Variants in CDKN2B-AS1 observed in about 807,000 individuals in gnomAD.
CDKN2B-AS1 encodes the protein CDKN2B and CDKN2A antisense cis and trans regulatory RNA 1.
chr9:22,016,748 T>C (rs994284350), intron 1 of CDKN2B-AS1, among the ~76,000 whole-genome samples: 10 of 152,320 alleles, frequency 6.6e-5, no homozygotes, highest in African/African-American at 1.9e-4. Flanking sequence ...TAGCCATATG[T>C]AGAAAGCTGA....
intron 2 of CDKN2B-AS1, among the ~76,000 whole-genome samples, chr9:22,048,448 G>T (rs1823200702): frequency 6.6e-6 from 1 of 152,122 alleles, no homozygotes; most frequent in Non-Finnish European, 1.5e-5. Context: ...CATGGAAGAG[G>T]CTGTTCATGG....
Position 22,127,966 on chromosome 9 carries a change from A to G in CDKN2B-AS1, n.1302A>G, listed in dbSNP as rs10965239. Among the ~76,000 whole-genome samples, 1,563 of 152,280 alleles carry G rather than the reference A, an allele frequency of 0.01. 125 individuals carry two copies. The East Asian group carries it at 0.2, about 20-fold the overall frequency. On this transcript the variant is annotated non_coding_transcript_exon_variant, in exon 5 of 5. Transcript: ENST00000650946. ...AAAGGGTAAGGATGCTACAACTGGT[A>G]AGCCCTGTGAGAATTATTTAATCCT...
At chr9:22,105,915 G>C (rs1825642006) in intron 4 of CDKN2B-AS1, among the ~76,000 whole-genome samples, 1 of 152,092 alleles carries the variant, frequency 6.6e-6, no homozygotes, top group Admixed American at 6.6e-5. Context: ...CTTGTTTTTT[G>C]AGATGGAGTC....
At chr9:22,081,037 T>C (rs1433748570) in intron 4 of CDKN2B-AS1, among the ~76,000 whole-genome samples, 1 of 152,246 alleles carries the variant, frequency 6.6e-6, no homozygotes, top group Non-Finnish European at 1.5e-5. Context: ...TTGTTCATAC[T>C]GCAGTACATT....
intron 1 of CDKN2B-AS1, among the ~76,000 whole-genome samples, chr9:21,998,372 G>T (rs1820777268): frequency 6.6e-6 from 1 of 152,194 alleles, no homozygotes; most frequent in Admixed American, 6.5e-5. Flanking sequence ...TCAAAATTGG[G>T]ATTATTACTC....
chr9:22,114,573 T>C (rs1825895873), intron 4 of CDKN2B-AS1, among the ~76,000 whole-genome samples: 1 of 152,100 alleles, frequency 6.6e-6, no homozygotes, highest in Non-Finnish European at 1.5e-5. Flanking sequence ...CAAAGCTGAT[T>C]AGGAGTATTT....
intron 4 of CDKN2B-AS1, among the ~76,000 whole-genome samples, chr9:22,115,006 C>T (rs897461954): frequency 1.3e-5 from 2 of 152,122 alleles, no homozygotes; most frequent in African/African-American, 4.8e-5. Flanking sequence ...TCTGTCTTTT[C>T]CTTAGAAATG....
At chr9:22,023,294 A>G (rs748484077) in intron 1 of CDKN2B-AS1, among the ~76,000 whole-genome samples, 1 of 151,944 alleles carries the variant, frequency 6.6e-6, no homozygotes, top group Non-Finnish European at 1.5e-5. Flanking sequence ...ATATAATCCT[A>G]TATTTCTAGG....
At chr9:22,069,705 T>C (rs1265695729) in intron 4 of CDKN2B-AS1, among the ~76,000 whole-genome samples, 1 of 152,158 alleles carries the variant, frequency 6.6e-6, no homozygotes, top group Non-Finnish European at 1.5e-5. Context: ...TTTCGTAATA[T>C]CAATACCTTA....
intron 4 of CDKN2B-AS1, among the ~76,000 whole-genome samples, chr9:22,105,653 T>C (rs1825633476): frequency 6.6e-6 from 1 of 152,164 alleles, no homozygotes; most frequent in African/African-American, 2.4e-5. Context: ...GTCTCTCTTG[T>C]GTTGAGGTGG....
intron 1 of CDKN2B-AS1, among the ~76,000 whole-genome samples, chr9:22,036,470 A>G (rs975894829): frequency 6.6e-6 from 1 of 152,122 alleles, no homozygotes; most frequent in African/African-American, 2.4e-5. Flanking sequence ...GCATCAAATA[A>G]CAAAGTTAGT....
intron 4 of CDKN2B-AS1, among the ~76,000 whole-genome samples, chr9:22,109,009 T>C (rs560044756): frequency 1.3e-5 from 2 of 152,322 alleles, no homozygotes; most frequent in African/African-American, 2.4e-5. Flanking sequence ...TCTTCCTTTA[T>C]TTAACCTTGA....
At chr9:22,084,636 T>TG (rs1478862289) in intron 4 of CDKN2B-AS1, among the ~76,000 whole-genome samples, 2 of 152,134 alleles carry the variant, frequency 1.3e-5, no homozygotes, top group African/African-American at 4.8e-5. Context: ...AATTGTTTTG[T>TG]GGGGCATATC....
At chr9:22,023,388 A>C (rs1822091344) in intron 1 of CDKN2B-AS1, among the ~76,000 whole-genome samples, 1 of 151,982 alleles carries the variant, frequency 6.6e-6, no homozygotes, top group Admixed American at 6.6e-5. Flanking sequence ...CAAGCTTGGA[A>C]ATTCTCTCCT....
intron 1 of CDKN2B-AS1, among the ~76,000 whole-genome samples, chr9:22,019,074 G>T (rs1334066767): frequency 6.6e-6 from 1 of 152,116 alleles, no homozygotes; most frequent in East Asian, 1.9e-4. Context: ...CTCTGAGGTG[G>T]GACAAAGCAA....
rs529351421 is a variant in CDKN2B-AS1, at chr9:22,104,619, C to G, written n.439-22484C>G. Among the ~76,000 whole-genome samples the G allele has an allele frequency of 2.1e-3, 327 of 152,264 alleles. 2 individuals carry two copies. The highest frequency in any genetic ancestry group is 7.6e-3 in the African/African-American group (315 of 41,566). ...CTGGGTATAAGAAGTTAAAGGGAAG[C>G]CAGATTATATTTACCTACTCTTTCA... is the stretch of plus-strand genomic sequence containing the variant. On this transcript the variant is annotated intron_variant and non_coding_transcript_variant, in intron 4 of 4. Coordinates refer to ENST00000650946, the Ensembl canonical transcript of CDKN2B-AS1.
At chr9:22,079,513 A>G (rs1392836051) in intron 4 of CDKN2B-AS1, among the ~76,000 whole-genome samples, 2 of 151,790 alleles carry the variant, frequency 1.3e-5, no homozygotes, top group Non-Finnish European at 2.9e-5. Context: ...ATCTAAAAAA[A>G]AAAAAAAAAG....
At chr9:22,109,278 C>G (rs1825740674) in intron 4 of CDKN2B-AS1, among the ~76,000 whole-genome samples, 2 of 152,152 alleles carry the variant, frequency 1.3e-5, no homozygotes, top group South Asian at 2.1e-4. Flanking sequence ...CTGAAGCAAG[C>G]AAAGCTTCTT....
intron 4 of CDKN2B-AS1, among the ~76,000 whole-genome samples, chr9:22,067,588 C>G (rs756928399): frequency 6.6e-6 from 1 of 151,966 alleles, no homozygotes. Flanking sequence ...AGCTACATGT[C>G]TAGGAAGGAT....
Sources: gnomAD v4.1 joint callset for allele counts (sites outside exome capture counted in the v4.1 genomes callset) on GRCh38, gnomAD v4.1.1 for gene constraint, MANE v1.5 for transcripts, NCBI Gene and HGNC (gene_info 2026-07-23, HGNC 2026-07-21) for gene names.